The following TCF20 variants were observed in gnomAD, a reference collection of about 807,000 sequenced individuals.
TCF20 encodes SPRE-binding protein.
A neutral mutation model predicts 148.6 loss-of-function variants in TCF20; 3 were observed. The observed-to-expected ratio is 0.02, with a 90% CI of 0.01 to 0.05. The LOEUF (loss-of-function observed/expected upper bound fraction) is 0.05. Ranked by LOEUF, TCF20 falls within the 10% of genes least tolerant of loss-of-function variation. The probability of loss-of-function intolerance (pLI) is 1.00; values close to 1 mark genes in which losing one functional copy is unlikely to be tolerated. For synonymous variants in TCF20, 1,049 were observed against 909.5 expected (o/e 1.15, Z -2.76); for missense variants, 2,350 against 2,429.3 (o/e 0.97, Z 0.69).
intron 1 of TCF20, among the ~76,000 whole-genome samples, chr22:42,230,651 A>C (rs1485509243): frequency 1.3e-5 from 2 of 151,424 alleles, no homozygotes; most frequent in African/African-American, 4.8e-5. Context: ...TCAAAAAAAA[A>C]ACCAAAGCAA....
chr22:42,221,738 G>GATTTTTTTTT (rs1249442201), intron 1 of TCF20, among the ~76,000 whole-genome samples: 1 of 40,694 alleles, frequency 2.5e-5, no homozygotes, highest in Non-Finnish European at 4.6e-5. Context: ...TATGGCAAAG[G>GATTTTTTTTT]GTTTTTTTTT....
chr22:42,307,495 T>G (rs964582661), intron 1 of TCF20, among the ~76,000 whole-genome samples: 1 of 152,222 alleles, frequency 6.6e-6, no homozygotes, highest in Admixed American at 6.5e-5. Context: ...CCTCACGGGA[T>G]GTAAATTCAG....
chr22:42,173,243 T>C (rs1047243048), intron 3 of TCF20, among the ~76,000 whole-genome samples: 5 of 137,372 alleles, frequency 3.6e-5, no homozygotes, highest in Non-Finnish European at 8.1e-5. Flanking sequence ...ATACATTAAT[T>C]AAAAAAAAAA....
chr22:42,197,246 G>A (rs1053315435), intron 2 of TCF20, among the ~76,000 whole-genome samples: 4 of 151,986 alleles, frequency 2.6e-5, no homozygotes, highest in Admixed American at 2.0e-4. Context: ...CTCCACCAAG[G>A]AGGCTACTTG....
chr22:42,206,750 A>G (rs1938414906), intron 2 of TCF20, among the ~76,000 whole-genome samples: 1 of 152,220 alleles, frequency 6.6e-6, no homozygotes, highest in African/African-American at 2.4e-5. Flanking sequence ...TCCTTGCATG[A>G]CTGAATTAAA....
chr22:42,313,909 C>T (rs1927582757), intron 1 of TCF20, among the ~76,000 whole-genome samples: 1 of 152,316 alleles, frequency 6.6e-6, no homozygotes, highest in East Asian at 1.9e-4. Flanking sequence ...CAACAGAATT[C>T]CCCGCCTCAG....
rs1927303112 is a variant in TCF20, at chr22:42,299,880, G to C, written c.-37+43599C>G. On this transcript the variant is annotated intron_variant, in intron 1 of 1. Coordinates refer to the TCF20 transcript ENST00000515426. The surrounding 1 kb of genome is among the most constrained non-coding windows in gnomAD (Gnocchi z 4.1). ...GAGGGAGGAGGGAAAAGACAGAAAGGGGTAGAAGGGAAGCTTGGAGCGGGT... is the reference window on the plus strand; with the variant it reads ...GAGGGAGGAGGGAAAAGACAGAAAGCGGTAGAAGGGAAGCTTGGAGCGGGT... Among the ~76,000 whole-genome samples the C allele has an allele frequency of 6.7e-6, 1 of 150,304 alleles. No individual in the cohort carries two copies. The highest frequency in any genetic ancestry group is 1.5e-5 in the Non-Finnish European group (1 of 67,566).
chr22:42,193,220 G>C (rs1336193107), intron 2 of TCF20, among the ~76,000 whole-genome samples: 1 of 150,598 alleles, frequency 6.6e-6, no homozygotes, highest in Non-Finnish European at 1.5e-5. Context: ...TAGAGATCTG[G>C]AAGTAATATA....
intron 5 of TCF20, among the ~76,000 whole-genome samples, chr22:42,163,568 A>G (rs1935593296): frequency 6.6e-6 from 1 of 152,204 alleles, no homozygotes; most frequent in African/African-American, 2.4e-5. Context: ...CCTGACCCCC[A>G]TCTTCAAGAG....
intron 1 of TCF20, among the ~76,000 whole-genome samples, chr22:42,215,845 G>A (rs1045005883): frequency 6.6e-6 from 1 of 152,066 alleles, no homozygotes; most frequent in Non-Finnish European, 1.5e-5. Flanking sequence ...CCTAAAGAGT[G>A]AGGCAAGAAT....
intron 2 of TCF20, among the ~76,000 whole-genome samples, chr22:42,185,636 A>ACC (rs1469678384): frequency 6.6e-6 from 1 of 152,174 alleles, no homozygotes; most frequent in Non-Finnish European, 1.5e-5. Context: ...ACAAGGAGCT[A>ACC]CCCTTCAAGG....
chr22:42,260,073 G>A (rs570941541), intron 1 of TCF20, among the ~76,000 whole-genome samples: 19 of 152,232 alleles, frequency 1.2e-4, no homozygotes, highest in Non-Finnish European at 2.4e-4. Context: ...GGGAGGGTCA[G>A]AGAAAACCTT....
At chr22:42,314,390 G>A (rs1005074027) in intron 1 of TCF20, among the ~76,000 whole-genome samples, 1 of 152,226 alleles carries the variant, frequency 6.6e-6, no homozygotes, top group African/African-American at 2.4e-5. Flanking sequence ...GAAATTGATG[G>A]CCATTGTCAG....
In TCF20 at chr22:42,279,839, A is replaced by G. The variant is rs1157060116; in HGVS notation, c.-37+3988T>C. 1.3e-5 allele frequency among the ~76,000 whole-genome samples: 2 copies of G among 152,198 alleles called. No homozygotes were observed. Among genetic ancestry groups the G allele is most frequent in the African/African-American group, 4.8e-5 (2 of 41,452 alleles). On this transcript the variant is annotated intron_variant, in intron 1 of 5. Coordinates refer to the TCF20 transcript ENST00000359486. This position sits in a 1 kb window ranked among gnomAD's most constrained non-coding sequence, Gnocchi z 4.3. ...TGAGCCACTGGGGGCCTCCGTGGCA[A>G]TCGGGCTCACAAAGCCATGTGTGGG...
chr22:42,215,115 G>A lies in TCF20; in HGVS notation c.191C>T (p.Ala64Val), dbSNP rs199530245. ...CTCGCTAGCCATCGCTGCCGCAGCA[G>A]CTGCTGCTCCTCGTCGTCCACCACC... is the stretch of plus-strand genomic sequence containing the variant. ...GSGGGRRGAA[A>V]AAAAMASETS... Residue 64 changes from alanine (A) to valine (V), a missense_variant, in exon 2 of 6, where the codon GCT becomes GTT. Physicochemically the swap from Ala to Val is moderately conservative, Grantham distance 64 (BLOSUM62 0). Around this residue, in one of 7 missense-constraint regions of TCF20, gnomAD observed 1,641 missense variants for 1,662.6 expected, o/e 0.99. Transcript: ENST00000677622. 241 of 1,614,072 alleles carry A rather than the reference G, an allele frequency of 1.5e-4. No homozygotes were observed. Among genetic ancestry groups the A allele is most frequent in the Middle Eastern group, 3.3e-4 (2 of 6,084 alleles).
At chr22:42,322,427 A>G (rs1440003750) in intron 1 of TCF20, among the ~76,000 whole-genome samples, 1 of 151,830 alleles carries the variant, frequency 6.6e-6, no homozygotes, top group Non-Finnish European at 1.5e-5. Context: ...TCAGAGCCAC[A>G]GACAGGGCCC....
At chr22:42,163,821 C>T (rs762924119) in intron 5 of TCF20, among the ~76,000 whole-genome samples, 10 of 152,202 alleles carry the variant, frequency 6.6e-5, no homozygotes, top group Admixed American at 5.2e-4. Flanking sequence ...CATCACCTTG[C>T]TCCCCAGCTG....
chr22:42,170,782 A>T (rs1168941447), intron 3 of TCF20, among the ~76,000 whole-genome samples: 6 of 152,196 alleles, frequency 3.9e-5, no homozygotes, highest in Non-Finnish European at 5.9e-5. Context: ...AAAATCCTTG[A>T]TTCTAGGCTA....
intron 2 of TCF20, among the ~76,000 whole-genome samples, chr22:42,188,161 G>A (rs1320931131): frequency 6.6e-6 from 1 of 151,802 alleles, no homozygotes; most frequent in Non-Finnish European, 1.5e-5. Context: ...GGGTGTGGTG[G>A]TGCATGGCTG....
Sources: gnomAD v4.1 joint callset for allele counts (sites outside exome capture counted in the v4.1 genomes callset) on GRCh38, gnomAD v4.1.1 for gene constraint, gnomAD v4.1.1 regional missense constraint, Gnocchi (gnomAD v3.1) non-coding constraint, MANE v1.5 for transcripts, NCBI Gene and HGNC (gene_info 2026-07-23, HGNC 2026-07-21) for gene names.